The following USP25 variants were observed in gnomAD, a reference collection of about 807,000 sequenced individuals.
USP25 encodes ubiquitin specific peptidase 25.
A neutral mutation model predicts 158.5 loss-of-function variants in USP25; 85 were observed. The observed-to-expected ratio is 0.54, with a 90% CI of 0.45 to 0.64. USP25 has a LOEUF of 0.64. Ranked by LOEUF, USP25 falls within the 30% of genes least tolerant of loss-of-function variation. The pLI is 0.00. For missense variants in USP25, 1,242 were observed against 1,327.3 expected (o/e 0.94, Z 1.00); for synonymous variants, 464 against 460.4 (o/e 1.01, Z -0.10).
At chr21:15,733,087 A>G (rs938877380) in intron 1 of USP25, among the ~76,000 whole-genome samples, 2 of 130,024 alleles carry the variant, frequency 1.5e-5, no homozygotes, top group African/African-American at 5.6e-5. Context: ...GATCTCAGAA[A>G]TTTGATACAT....
chr21:15,751,638 T>C (rs1600808134), intron 1 of USP25, among the ~76,000 whole-genome samples: 1 of 152,222 alleles, frequency 6.6e-6, no homozygotes, highest in East Asian at 1.9e-4. Context: ...TATGATTTGA[T>C]TCATAAAAGT....
intron 14 of USP25, among the ~76,000 whole-genome samples, chr21:15,830,018 A>G (rs1337245453): frequency 3.9e-5 from 6 of 152,182 alleles, no homozygotes; most frequent in Non-Finnish European, 1.5e-5. Context: ...TATTGTGGAC[A>G]ATATGACTGT....
Position 15,833,461 on chromosome 21 carries a change from T to C in USP25, c.2107T>C (p.Trp703Arg). 1.2e-6 allele frequency: 2 copies of C among 1,614,036 alleles called. No homozygotes were observed. Among genetic ancestry groups the C allele is most frequent in the Non-Finnish European group, 1.7e-6 (2 of 1,179,968 alleles). Residue 703 changes from tryptophan to arginine, a missense_variant, in exon 17 of 26, where the codon TGG becomes CGG. Transcript: ENST00000400183. ...ACGATTTGAAAAAGAACTAGAAGAA[T>C]GGGATGCACAACTTGCCCAGAAAGC... Reference protein sequence around the residue: ...NQRFEKELEEWDAQLAQKALQ... With the variant: ...NQRFEKELEERDAQLAQKALQ...
In USP25 at chr21:15,766,058, C is replaced by T. The variant is rs750854013; in HGVS notation, c.185C>T (p.Pro62Leu). Reference protein sequence around the residue: ...AFLTAKNAKTPQQEETTYYQT... With the variant: ...AFLTAKNAKTLQQEETTYYQT... ...CTTACTGCGAAGAATGCTAAGACCC[C>T]TCAGCAGGAGGAGACAACTTACTAC... Residue 62 changes from proline (P) to leucine (L), a missense_variant, in exon 3 of 26, where the codon CCT becomes CTT. By Grantham distance (98) the Pro-to-Leu change is moderately conservative (BLOSUM62 -3). Transcript: ENST00000400183. The surrounding 1 kb of genome is among the most constrained non-coding windows in gnomAD (Gnocchi z 4.0). 1.2e-6 allele frequency: 2 copies of T among 1,610,758 alleles called. No homozygotes were observed. Among genetic ancestry groups the T allele is most frequent in the African/African-American group, 2.7e-5 (2 of 74,718 alleles).
In USP25 at chr21:15,830,535, G is replaced by A; in HGVS notation, c.1698G>A (p.Leu566=). 1 of 1,603,846 alleles carries A rather than the reference G, an allele frequency of 6.2e-7. No individual in the cohort carries two copies. Among genetic ancestry groups the A allele is most frequent in the South Asian group, 1.1e-5 (1 of 88,676 alleles). Residue 566 remains leucine (L), a synonymous_variant, in exon 15 of 26, where the codon TTG becomes TTA. Coordinates refer to ENST00000400183, the MANE Select transcript of USP25 (RefSeq NM_001283041.3). ...RTEIENDTRD[L]QESISRIHRT... ...AATGACACCTTATATCCTTAGATTT[G>A]CAGGAAAGCATATCCAGAATCCATC...
intron 24 of USP25, 110 bp from the exon 25 acceptor site, chr21:15,877,686 A>G (rs1013435054): frequency 2.3e-5 from 18 of 781,376 alleles, no homozygotes; most frequent in African/African-American, 3.5e-5. Flanking sequence ...CGTTTGTTCT[A>G]ATACTGTTTG....
At chr21:15,758,980 G>A (rs2033568616) in intron 1 of USP25, among the ~76,000 whole-genome samples, 1 of 152,098 alleles carries the variant, frequency 6.6e-6, no homozygotes, top group Admixed American at 6.6e-5. Flanking sequence ...TATAATTAAT[G>A]GCCATCAACA....
chr21:15,746,716 C>A (rs1389499338), intron 1 of USP25, among the ~76,000 whole-genome samples: 2 of 152,076 alleles, frequency 1.3e-5, no homozygotes, highest in African/African-American at 4.8e-5. Context: ...AGTTTTTATT[C>A]CAATTGTTTT....
At chr21:15,798,353 C>T (rs140074649) in intron 5 of USP25, among the ~76,000 whole-genome samples, 1 of 151,298 alleles carries the variant, frequency 6.6e-6, no homozygotes, top group Non-Finnish European at 1.5e-5. Flanking sequence ...TTAGAATACA[C>T]AAGTATGTTT....
chr21:15,765,873 C>G (rs2034010878), intron 2 of USP25, 124 bp from the exon 3 acceptor site: 2 of 850,272 alleles, frequency 2.4e-6, no homozygotes, highest in South Asian at 2.0e-5. Flanking sequence ...ATTAGAATCA[C>G]ATATAGATTA....
intron 1 of USP25, among the ~76,000 whole-genome samples, chr21:15,736,501 C>T (rs1029886511): frequency 1.3e-5 from 2 of 152,092 alleles, no homozygotes; most frequent in African/African-American, 4.8e-5. Context: ...ATTTATTAGT[C>T]TTGTTTTCTC....
intron 1 of USP25, among the ~76,000 whole-genome samples, chr21:15,751,163 T>C (rs2032988037): frequency 6.6e-6 from 1 of 151,974 alleles, no homozygotes; most frequent in Non-Finnish European, 1.5e-5. Context: ...CTCTGAGAGA[T>C]TGGGTTCTTG....
chr21:15,813,355 T>G (rs998611795), intron 9 of USP25, among the ~76,000 whole-genome samples: 3 of 152,238 alleles, frequency 2.0e-5, no homozygotes, highest in Admixed American at 6.5e-5. Context: ...AATCACAGGT[T>G]TTGCCCAGTC....
At chr21:15,793,601 G>C (rs925686775) in intron 5 of USP25, among the ~76,000 whole-genome samples, 1 of 151,468 alleles carries the variant, frequency 6.6e-6, no homozygotes, top group Admixed American at 6.6e-5. Context: ...GCAAGTATAA[G>C]AGGGCTTGAG....
chr21:15,877,419 T>C (rs1479933539), intron 24 of USP25: 1 of 159,398 alleles, frequency 6.3e-6, no homozygotes, highest in African/African-American at 2.4e-5. Flanking sequence ...TTTTCAAAAA[T>C]TAATATGGAT....
chr21:15,768,716 C>A (rs552983734), intron 3 of USP25, among the ~76,000 whole-genome samples: 41 of 152,148 alleles, frequency 2.7e-4, no homozygotes, highest in African/African-American at 9.9e-4. Flanking sequence ...TATAAAAACC[C>A]TTTTTGAGCA....
intron 20 of USP25, among the ~76,000 whole-genome samples, chr21:15,852,117 TG>T (rs765971117): frequency 3.4e-4 from 51 of 152,140 alleles, no homozygotes; most frequent in Admixed American, 1.3e-4. Flanking sequence ...GTTTTCAAGT[TG>T]CTTTGGAGAT....
chr21:15,777,419 A>G (rs1441202674), intron 3 of USP25, among the ~76,000 whole-genome samples: 1 of 152,228 alleles, frequency 6.6e-6, no homozygotes, highest in African/African-American at 2.4e-5. Context: ...GTGTAAATGT[A>G]CATCTCTGGT....
intron 9 of USP25, 131 bp from the exon 10 acceptor site, chr21:15,818,566 AC>A: frequency 1.3e-6 from 1 of 742,168 alleles, no homozygotes; most frequent in East Asian, 2.7e-5. Flanking sequence ...AGGAAAATTA[AC>A]ACTAACACTT....
Sources: gnomAD v4.1 joint callset for allele counts (sites outside exome capture counted in the v4.1 genomes callset) on GRCh38, gnomAD v4.1.1 for gene constraint, Gnocchi (gnomAD v3.1) non-coding constraint, MANE v1.5 for transcripts, NCBI Gene and HGNC (gene_info 2026-07-23, HGNC 2026-07-21) for gene names.